Variants in FARSB observed in about 807,000 individuals in gnomAD.
The protein encoded by FARSB is phenylalanyl-tRNA synthetase subunit beta.
In FARSB, 40 loss-of-function variants were observed where a neutral mutation model predicts 69.6. That is an observed-to-expected ratio of 0.57 (90% CI 0.45 to 0.75). The LOEUF is 0.75. Ranked by LOEUF, FARSB falls within the 30% of genes least tolerant of loss-of-function variation. The pLI is 0.00. For missense variants in FARSB, 632 were observed against 722.9 expected (o/e 0.87, Z 1.44); for synonymous variants, 235 against 247.2 (o/e 0.95, Z 0.46).
chr2:222,594,172 C>T (rs893687504), intron 16 of FARSB, among the ~76,000 whole-genome samples: 11 of 147,546 alleles, frequency 7.5e-5, no homozygotes, highest in African/African-American at 2.0e-4. Context: ...GTAGCTGAAG[C>T]GGGAGAATCA....
At chr2:222,623,228 T>A (rs1691185298) in intron 13 of FARSB, among the ~76,000 whole-genome samples, 1 of 152,218 alleles carries the variant, frequency 6.6e-6, no homozygotes, top group African/African-American at 2.4e-5. Context: ...AGCAAATGTT[T>A]GTGAACATGT....
At position 222,600,076 on chromosome 2, in the gene FARSB, A is replaced by G. The variant is rs777018523; in HGVS notation, c.1470T>C (p.Gly490=). The change falls in exon 16 of 17, where the codon GGT becomes GGC. Residue 490 remains glycine (G), a synonymous_variant. Coordinates refer to ENST00000281828, the MANE Select transcript of FARSB (RefSeq NM_005687.5). ...CACAGAGATGTCTGTAGTTTTTTGC[A>G]CCTACATCTAGAAAAATAAAGGAAC... ...IVIKDSNTDV[G]AKNYRHLCAV... The G allele has an allele frequency of 1.9e-6, 3 of 1,603,786 alleles. No individual in the cohort carries two copies. The East Asian group carries it at 6.7e-5, about 36-fold the overall frequency.
At chr2:222,633,737 C>T (rs1691504910) in intron 6 of FARSB, among the ~76,000 whole-genome samples, 1 of 148,334 alleles carries the variant, frequency 6.7e-6, no homozygotes, top group African/African-American at 2.5e-5. Flanking sequence ...TTAAAACAGA[C>T]CCAAATTAAA....
chr2:222,647,072 T>C (rs1040444482), intron 2 of FARSB, among the ~76,000 whole-genome samples: 39 of 152,218 alleles, frequency 2.6e-4, no homozygotes, highest in African/African-American at 8.7e-4. Context: ...TCTTGCTTCT[T>C]AGCTGGAGTT....
chr2:222,587,512 C>A (rs1327351988), intron 16 of FARSB, among the ~76,000 whole-genome samples: 1 of 152,092 alleles, frequency 6.6e-6, no homozygotes, highest in Non-Finnish European at 1.5e-5. Flanking sequence ...AAGATCAGAG[C>A]AGAACTGAAG....
intron 14 of FARSB, among the ~76,000 whole-genome samples, chr2:222,618,560 CTATT>C (rs1014581216): frequency 3.9e-5 from 6 of 152,126 alleles, no homozygotes; most frequent in Admixed American, 1.3e-4. Flanking sequence ...TAAAAGAGAA[CTATT>C]TAAAGTTATT....
At chr2:222,587,674 A>T (rs1690155102) in intron 16 of FARSB, among the ~76,000 whole-genome samples, 1 of 152,306 alleles carries the variant, frequency 6.6e-6, no homozygotes, top group East Asian at 1.9e-4. Context: ...GATAAAGGGG[A>T]TATCACCACC....
chr2:222,585,908 G>A (rs570665576), intron 16 of FARSB, among the ~76,000 whole-genome samples: 8 of 152,154 alleles, frequency 5.3e-5, no homozygotes, highest in Non-Finnish European at 1.0e-4. Flanking sequence ...TGAAAGTGAC[G>A]GGGAGAATGG....
chr2:222,570,978 A>AAATT lies in FARSB; in HGVS notation c.*889_*892dup. ...GAATTCTAGATTGAAGTAAGAAAGGAAATTAGGATATAAAACAAGGAGGAT... is the reference window on the plus strand; with the variant it reads ...GAATTCTAGATTGAAGTAAGAAAGGAAATTAATTAGGATATAAAACAAGGAGGAT... On this transcript the variant is annotated 3_prime_UTR_variant, in exon 17 of 17. Coordinates refer to ENST00000281828, the MANE Select transcript of FARSB (RefSeq NM_005687.5). The AAATT allele has an allele frequency of 5.3e-5, 8 of 152,328 alleles. 2 individuals carry two copies. The highest frequency in any genetic ancestry group is 5.2e-4 in the Admixed American group (8 of 15,306). The allele number at this position is 152,328 out of a possible 1,614,324, so 9.4% of individuals were successfully genotyped here.
chr2:222,578,000 G>A (rs571983194), intron 16 of FARSB, among the ~76,000 whole-genome samples: 1 of 152,250 alleles, frequency 6.6e-6, no homozygotes, highest in South Asian at 2.1e-4. Flanking sequence ...CCAGCTAATT[G>A]TAACTTTAAA....
At chr2:222,611,292 T>TAAC (rs1464214565) in intron 15 of FARSB, among the ~76,000 whole-genome samples, 1 of 152,116 alleles carries the variant, frequency 6.6e-6, no homozygotes. Context: ...AAGACAGATA[T>TAAC]AGAAGAGGTT....
intron 16 of FARSB, among the ~76,000 whole-genome samples, chr2:222,577,484 G>A (rs1386655997): frequency 1.3e-5 from 2 of 152,104 alleles, no homozygotes; most frequent in African/African-American, 4.8e-5. Flanking sequence ...GGATGTGAGG[G>A]AACTGGTACC....
Position 222,567,785 on chromosome 2 carries a change from T to C in FARSB, c.*4086A>G, listed in dbSNP as rs527445620. 1 of 152,328 alleles carries C rather than the reference T, an allele frequency of 6.6e-6. No homozygotes were observed. The highest frequency in any genetic ancestry group is 2.1e-4 in the South Asian group (1 of 4,830). 9.4% of individuals were successfully genotyped at this position (152,328 alleles called of 1,614,324 possible). A position where few individuals can be genotyped will look rare whatever the true frequency, so the allele number is the denominator to read the frequency against. On this transcript the variant is annotated 3_prime_UTR_variant, in exon 17 of 17. Transcript: ENST00000281828. ...GGATATTTATACAGTCTTGCACCCA[T>C]TAGGACTGGTTTTCCTTGGGGTCCT... is the stretch of plus-strand genomic sequence containing the variant.
chr2:222,630,030 C>T (rs541914664), intron 9 of FARSB, 83 bp downstream of exon 9: 33 of 835,356 alleles, frequency 4.0e-5, no homozygotes, highest in African/African-American at 2.0e-4. Context: ...TGTGAGCCAC[C>T]GCACCTGGCC....
chr2:222,571,547 T>A lies in FARSB; in HGVS notation c.*324A>T, dbSNP rs1689716959. The A allele has an allele frequency of 5.3e-6, 1 of 190,472 alleles. No homozygotes were observed. The highest frequency in any genetic ancestry group is 1.1e-5 in the Non-Finnish European group (1 of 94,094). 11.8% of individuals were successfully genotyped at this position (190,472 alleles called of 1,614,324 possible). A position where few individuals can be genotyped will look rare whatever the true frequency, so the allele number is the denominator to read the frequency against. On this transcript the variant is annotated 3_prime_UTR_variant, in exon 17 of 17. Transcript: ENST00000281828. Reference sequence around the variant, plus strand: ...ATGGGATCTTGTTATGCAGGAGTAATCCGTTCCAATGTGATGTTCTGATGT... The same window carrying A: ...ATGGGATCTTGTTATGCAGGAGTAAACCGTTCCAATGTGATGTTCTGATGT...
intron 14 of FARSB, among the ~76,000 whole-genome samples, chr2:222,616,953 T>C (rs1317851241): frequency 1.3e-5 from 2 of 152,186 alleles, no homozygotes; most frequent in East Asian, 3.9e-4. Context: ...CTCTCTTTGA[T>C]CTTTAAGGTA....
chr2:222,574,824 A>G (rs1010154876), intron 16 of FARSB, among the ~76,000 whole-genome samples: 1 of 152,188 alleles, frequency 6.6e-6, no homozygotes, highest in Non-Finnish European at 1.5e-5. Flanking sequence ...TCCTCCTCAT[A>G]CACAAATTAA....
intron 15 of FARSB, among the ~76,000 whole-genome samples, chr2:222,610,626 G>A (rs1690824740): frequency 6.6e-6 from 1 of 152,154 alleles, no homozygotes; most frequent in African/African-American, 2.4e-5. Flanking sequence ...GACAGCTAAG[G>A]CTTTCAAGTC....
chr2:222,628,785 A>T (rs1343597132), intron 10 of FARSB, 52 bp downstream of exon 10: 2 of 1,240,018 alleles, frequency 1.6e-6, no homozygotes, highest in African/African-American at 3.0e-5. Context: ...CTCTATAGCC[A>T]TTATTATTAG....
Sources: allele counts gnomAD v4.1 joint callset (sites outside exome capture counted in the v4.1 genomes callset), GRCh38; gene constraint gnomAD v4.1.1; transcripts MANE v1.5; gene names NCBI Gene and HGNC (gene_info 2026-07-23, HGNC 2026-07-21).